PLD1: variants seen among roughly 807,000 people sequenced by gnomAD.
The protein encoded by PLD1 is choline phosphatase 1.
PLD1 carries 112 observed loss-of-function variants against 137.1 expected under a neutral mutation model. The observed-to-expected ratio is 0.82, with a 90% CI of 0.70 to 0.96. The LOEUF is 0.96. Among genes scored for constraint, PLD1 ranks in the 40% least tolerant of loss-of-function variants. The probability of loss-of-function intolerance (pLI) is 0.00; values close to 1 mark genes in which losing one functional copy is unlikely to be tolerated. For synonymous variants in PLD1, 431 were observed against 454.7 expected (o/e 0.95, Z 0.66); for missense variants, 1,321 against 1,342.0 (o/e 0.98, Z 0.24).
At chr3:171,611,901 G>A (rs1352052947) in intron 25 of PLD1, among the ~76,000 whole-genome samples, 4 of 152,138 alleles carry the variant, frequency 2.6e-5, no homozygotes, top group East Asian at 1.9e-4. Flanking sequence ...GCAGCACAGC[G>A]AGACACGGTA....
intron 18 of PLD1, among the ~76,000 whole-genome samples, chr3:171,675,917 A>G (rs1713301968): frequency 6.7e-6 from 1 of 149,066 alleles, no homozygotes; most frequent in South Asian, 2.1e-4. Flanking sequence ...CTCTCAGCTC[A>G]CTGCAAACTC....
At chr3:171,698,345 A>G (rs2108538203) in intron 12 of PLD1, among the ~76,000 whole-genome samples, 1 of 152,354 alleles carries the variant, frequency 6.6e-6, no homozygotes, top group Non-Finnish European at 1.5e-5. Flanking sequence ...CTGTAACTGG[A>G]ATTCTATTGA....
chr3:171,695,885 G>C (rs944413532), intron 12 of PLD1, among the ~76,000 whole-genome samples: 7 of 152,134 alleles, frequency 4.6e-5, no homozygotes, highest in Admixed American at 4.6e-4. Context: ...GGCAGCATTG[G>C]GATATAAGAG....
intron 23 of PLD1, among the ~76,000 whole-genome samples, chr3:171,624,772 G>A (rs1462610982): frequency 6.6e-6 from 1 of 152,138 alleles, no homozygotes; most frequent in East Asian, 1.9e-4. Context: ...AAATGGAAAA[G>A]GCAAGGTGAA....
chr3:171,628,933 T>G (rs2108324057), intron 23 of PLD1, among the ~76,000 whole-genome samples: 1 of 148,524 alleles, frequency 6.7e-6, no homozygotes, highest in African/African-American at 2.5e-5. Context: ...CTGGAAGCAT[T>G]CCCTTTGAAA....
At chr3:171,682,166 AAAAG>A (rs1553819291) in intron 16 of PLD1, among the ~76,000 whole-genome samples, 29 of 29,470 alleles carry the variant, frequency 9.8e-4, no homozygotes, top group African/African-American at 2.1e-3. Context: ...GAAAGAAAGA[AAAAG>A]AAAGAAAGAA....
Position 171,742,730 on chromosome 3 carries a change from C to A in PLD1, c.-31-4648G>T, listed in dbSNP as rs1578395516. On this transcript the variant is annotated intron_variant, in intron 1 of 26. Coordinates refer to ENST00000351298, the MANE Select transcript of PLD1 (RefSeq NM_002662.5). ...TCATACAGCAACTCTATATCTGGAA[C>A]TGACTTGATGCTCTCTGAGATATAA... is the stretch of plus-strand genomic sequence containing the variant. Among the ~76,000 whole-genome samples the A allele has an allele frequency of 2.0e-5, 3 of 152,282 alleles. No homozygotes were observed. The Middle Eastern group carries it at 0.01, about 518-fold the overall frequency.
intron 21 of PLD1, chr3:171,654,300 CAA>C (rs35731319): frequency 0.036 from 4,105 of 112,858 alleles, no homozygotes; most frequent in South Asian, 0.082. Context: ...AAGACTGTCT[CAA>C]AAAAAAAAAA....
chr3:171,628,382 C>G (rs1734333453), intron 23 of PLD1, among the ~76,000 whole-genome samples: 1 of 152,064 alleles, frequency 6.6e-6, no homozygotes, highest in Non-Finnish European at 1.5e-5. Flanking sequence ...GTTTACCAAC[C>G]AAAAAGAGTC....
rs1010934204 is a variant in PLD1 at position 171,602,162 on chromosome 3, C to T, written c.*916G>A. 3 of 152,060 alleles carry T rather than the reference C, an allele frequency of 2.0e-5. No homozygotes were observed. Among genetic ancestry groups the T allele is most frequent in the Admixed American group, 1.3e-4 (2 of 15,258 alleles). The allele number at this position is 152,060 out of a possible 1,614,324, so 9.4% of individuals were successfully genotyped here. A position where few individuals can be genotyped will look rare whatever the true frequency, so the allele number is the denominator to read the frequency against. On this transcript the variant is annotated 3_prime_UTR_variant, in exon 27 of 27. Transcript: ENST00000351298. Reference sequence around the variant, plus strand: ...GATCAAATTTCAATCAACCCAGCAGCTAAGGATGACAGGAAATTTTACAGG... The same window carrying T: ...GATCAAATTTCAATCAACCCAGCAGTTAAGGATGACAGGAAATTTTACAGG...
intron 1 of PLD1, among the ~76,000 whole-genome samples, chr3:171,805,950 A>G (rs961323647): frequency 6.6e-6 from 1 of 152,222 alleles, no homozygotes; most frequent in African/African-American, 2.4e-5. Flanking sequence ...CCAAGGTAGG[A>G]GGACCACTTG....
chr3:171,792,570 G>A, intron 1 of PLD1: 3 of 456,654 alleles, frequency 6.6e-6, no homozygotes, highest in Non-Finnish European at 1.3e-5. Flanking sequence ...AAGAGGGCCT[G>A]TTTCCCTGCC....
intron 1 of PLD1, chr3:171,789,105 G>C (rs1371713611): frequency 6.6e-6 from 1 of 152,244 alleles, no homozygotes; most frequent in African/African-American, 2.4e-5. Context: ...GGGAACAGAA[G>C]TAATTCAGCA....
rs1491299107 is a variant in PLD1 at position 171,620,769 on chromosome 3, T to TA, written c.2594-250_2594-249insT. On this transcript the variant is annotated intron_variant, in intron 23 of 26. Transcript: ENST00000351298. Reference sequence around the variant, plus strand: ...ATATATATATATATATATATATATATTATATATATTTTTTTTTTAATTGAA... The same window carrying TA: ...ATATATATATATATATATATATATATATATATATATTTTTTTTTTAATTGAA... 4.2e-3 allele frequency among the ~76,000 whole-genome samples: 367 copies of TA among 88,422 alleles called. 4 individuals carry two copies. The highest frequency in any genetic ancestry group is 0.019 in the African/African-American group (289 of 14,878). The allele number at this position is 88,422 out of a possible 152,430, so 58.0% of individuals were successfully genotyped here. A position where few individuals can be genotyped will look rare whatever the true frequency, so the allele number is the denominator to read the frequency against.
intron 16 of PLD1, among the ~76,000 whole-genome samples, chr3:171,684,079 AGG>A (rs1714295020): frequency 6.6e-6 from 1 of 152,136 alleles, no homozygotes; most frequent in East Asian, 1.9e-4. Flanking sequence ...ACAGATGTCA[AGG>A]GTACTTTTCA....
chr3:171,615,495 ACCTTCCCATGCATAC>A (rs1321080395), intron 24 of PLD1, among the ~76,000 whole-genome samples: 2 of 152,212 alleles, frequency 1.3e-5, no homozygotes, highest in Non-Finnish European at 2.9e-5. Context: ...GGCTTTGTGC[ACCTTCCCATGCATAC>A]CCTTCCCTCC....
chr3:171,789,502 G>C (rs989298274), intron 1 of PLD1: 1 of 152,184 alleles, frequency 6.6e-6, no homozygotes, highest in Admixed American at 6.5e-5. Flanking sequence ...CCTCAGATAA[G>C]AGCCCCTTTG....
chr3:171,637,346 G>C (rs929486822), intron 23 of PLD1, among the ~76,000 whole-genome samples: 1 of 151,956 alleles, frequency 6.6e-6, no homozygotes, highest in Non-Finnish European at 1.5e-5. Flanking sequence ...AGCGATTCTC[G>C]TGCCTCAGCC....
chr3:171,713,763 A>C, intron 9 of PLD1, 130 bp downstream of exon 9: 1 of 737,760 alleles, frequency 1.4e-6, no homozygotes, highest in South Asian at 1.7e-5. Context: ...TTTCATTACT[A>C]TTGATTGAGG....
Sources: gnomAD v4.1 joint callset for allele counts (sites outside exome capture counted in the v4.1 genomes callset) on GRCh38, gnomAD v4.1.1 for gene constraint, MANE v1.5 for transcripts, NCBI Gene and HGNC (gene_info 2026-07-23, HGNC 2026-07-21) for gene names.